Variants in MAP6D1 observed in about 807,000 individuals in gnomAD.
MAP6D1 encodes MAP6 domain-containing protein 1.
MAP6D1 carries 13 observed loss-of-function variants against 17.4 expected under a neutral mutation model. The ratio of observed to expected loss-of-function variants is 0.75; its 90% confidence interval spans 0.49 to 1.19. MAP6D1 has a LOEUF of 1.19. Ranked by LOEUF, MAP6D1 falls within the 50% of genes most tolerant of loss-of-function variation. The pLI is 0.00. For missense variants in MAP6D1, 313 were observed against 312.6 expected, an observed-to-expected ratio of 1.00 and a Z score of -0.01; for synonymous variants, 141 against 145.7, an observed-to-expected ratio of 0.97 and a Z score of 0.23.
rs967216544 is a variant in MAP6D1, at chr3:183,824,846, T to G, written c.401+301A>C. 7.2e-5 allele frequency among the ~76,000 whole-genome samples: 11 copies of G among 152,282 alleles called. 1 individual carries two copies. In the South Asian group the frequency reaches 2.3e-3, roughly 32 times the overall value. On this transcript the variant is annotated intron_variant, in intron 1 of 2. Coordinates refer to ENST00000318631, the MANE Select transcript of MAP6D1 (RefSeq NM_024871.4). ...GAGTTAAAGGGAGGCCGGTTCCAAC[T>G]CGGCTGAAGGCAGGCCATTCTGACG...
intron 1 of MAP6D1, among the ~76,000 whole-genome samples, chr3:183,819,915 A>G (rs915030434): frequency 4.6e-5 from 7 of 152,218 alleles, no homozygotes; most frequent in African/African-American, 1.7e-4. Flanking sequence ...CTAGGCAGGA[A>G]GGAGGGAAGC....
intron 1 of MAP6D1, 70 bp downstream of exon 1, chr3:183,825,076 CT>C: frequency 7.8e-7 from 1 of 1,288,934 alleles, no homozygotes; most frequent in Non-Finnish European, 9.9e-7. Context: ...CACCCCATCC[CT>C]CTGGCTCCGG....
At chr3:183,818,936 G>C (rs1400427976) in intron 1 of MAP6D1, among the ~76,000 whole-genome samples, 2 of 152,212 alleles carry the variant, frequency 1.3e-5, no homozygotes, top group East Asian at 3.9e-4. Context: ...TGAAAAGACA[G>C]TGCTTCCATT....
chr3:183,825,275 C>G lies in MAP6D1; in HGVS notation c.273G>C (p.Pro91=), dbSNP rs1727360473. The G allele has an allele frequency of 3.0e-6, 4 of 1,342,072 alleles. No individual in the cohort carries two copies. Among genetic ancestry groups the G allele is most frequent in the Non-Finnish European group, 3.8e-6 (4 of 1,048,904 alleles). The allele number at this position is 1,342,072 out of a possible 1,614,324, so 83.1% of individuals were successfully genotyped here. ...GPKDPPPGRG[P]GAGGRRGKSS... ...ATTTGCCCCTGCGGCCGCCCGCCCC[C>G]GGTCCGCGCCCCGGCGGCGGATCCT... Residue 91 remains proline, a synonymous_variant, in exon 1 of 3, where the codon CCG becomes CCC. Coordinates refer to ENST00000318631, the MANE Select transcript of MAP6D1 (RefSeq NM_024871.4).
At chr3:183,820,151 GC>G (rs955716845) in intron 1 of MAP6D1, 2 of 152,268 alleles carry the variant, frequency 1.3e-5, no homozygotes, top group Non-Finnish European at 1.5e-5. Flanking sequence ...AGAAGCTGAG[GC>G]CCGGGGATCC....
In MAP6D1 at chr3:183,825,556, C is replaced by T; in HGVS notation, c.-9G>A. On this transcript the variant is annotated 5_prime_UTR_variant, in exon 1 of 3. Transcript: ENST00000318631. ...ATACAGGGCCACGCCATGCCAGCCC[C>T]GGCGCCCGCCGCCCCGCTCCCGGCG... 8.3e-7 allele frequency: 1 copy of T among 1,207,132 alleles called. No homozygotes were observed. Among genetic ancestry groups the T allele is most frequent in the Non-Finnish European group, 1.0e-6 (1 of 973,870 alleles). 74.8% of individuals were successfully genotyped at this position (1,207,132 alleles called of 1,614,324 possible).
At chr3:183,820,971 T>G (rs1202173413) in intron 1 of MAP6D1, among the ~76,000 whole-genome samples, 1 of 151,144 alleles carries the variant, frequency 6.6e-6, no homozygotes, top group Non-Finnish European at 1.5e-5. Flanking sequence ...GGTGGGCGCC[T>G]GTAGTCCCAG....
chr3:183,825,268 C>T lies in MAP6D1; in HGVS notation c.280G>A (p.Gly94Ser), dbSNP rs1319001250. Residue 94 changes from glycine to serine, a missense_variant, in exon 1 of 3, where the codon GGC becomes AGC. Coordinates refer to ENST00000318631, the MANE Select transcript of MAP6D1 (RefSeq NM_024871.4). ...GCGGAGGATTTGCCCCTGCGGCCGC[C>T]CGCCCCCGGTCCGCGCCCCGGCGGC... ...DPPPGRGPGA[G>S]GRRGKSSAQS... 2 of 1,345,768 alleles carry T rather than the reference C, an allele frequency of 1.5e-6. No homozygotes were observed. The highest frequency in any genetic ancestry group is 2.1e-5 in the South Asian group (1 of 48,620). The allele number at this position is 1,345,768 out of a possible 1,614,324, so 83.4% of individuals were successfully genotyped here. A position where few individuals can be genotyped will look rare whatever the true frequency, so the allele number is the denominator to read the frequency against.
rs906523217 is a variant in MAP6D1, at chr3:183,825,559, C to G, written c.-12G>C. 12 of 1,202,264 alleles carry G rather than the reference C, an allele frequency of 1.0e-5. No homozygotes were observed. The highest frequency in any genetic ancestry group is 3.2e-5 in the African/African-American group (2 of 62,652). The allele number at this position is 1,202,264 out of a possible 1,614,324, so 74.5% of individuals were successfully genotyped here. ...CAGGGCCACGCCATGCCAGCCCCGG[C>G]GCCCGCCGCCCCGCTCCCGGCGCGC... On this transcript the variant is annotated 5_prime_UTR_variant, in exon 1 of 3. Transcript: ENST00000318631.
Position 183,816,890 on chromosome 3 carries a change from C to A in MAP6D1, c.*466G>T. 5.9e-6 allele frequency: 1 copy of A among 168,590 alleles called. No individual in the cohort carries two copies. The highest frequency in any genetic ancestry group is 5.7e-5 in the Admixed American group (1 of 17,600). 10.4% of individuals were successfully genotyped at this position (168,590 alleles called of 1,614,324 possible). On this transcript the variant is annotated 3_prime_UTR_variant, in exon 3 of 3. Coordinates refer to ENST00000318631, the MANE Select transcript of MAP6D1 (RefSeq NM_024871.4). ...CGGCCCAAGATTCCAACAGCTTCAA[C>A]TGCAGGGGCCATTTGTAGGAAGAGC...
rs1304389640 is a variant in MAP6D1 at position 183,817,349 on chromosome 3, C to T, written c.*7G>A. 1 of 1,562,258 alleles carries T rather than the reference C, an allele frequency of 6.4e-7. No individual in the cohort carries two copies. The highest frequency in any genetic ancestry group is 1.9e-5 in the Admixed American group (1 of 51,990). ...TGTCGGCAGCCATGGTGTCACGGTG[C>T]AGGCAGTCACACGTTGAGAATCCGG... is the stretch of plus-strand genomic sequence containing the variant. On this transcript the variant is annotated 3_prime_UTR_variant, in exon 3 of 3. Coordinates refer to ENST00000318631, the MANE Select transcript of MAP6D1 (RefSeq NM_024871.4).
Position 183,817,227 on chromosome 3 carries a change from A to C in MAP6D1, c.*129T>G. 1.1e-6 allele frequency: 1 copy of C among 909,302 alleles called. No homozygotes were observed. The highest frequency in any genetic ancestry group is 1.7e-6 in the Non-Finnish European group (1 of 582,856). The allele number at this position is 909,302 out of a possible 1,614,324, so 56.3% of individuals were successfully genotyped here. A position where few individuals can be genotyped will look rare whatever the true frequency, so the allele number is the denominator to read the frequency against. On this transcript the variant is annotated 3_prime_UTR_variant, in exon 3 of 3. Coordinates refer to ENST00000318631, the MANE Select transcript of MAP6D1 (RefSeq NM_024871.4). Reference sequence around the variant, plus strand: ...ACACCAGCACTTTGGCCCTGGTGACAGCTTTGAGAGGGGCTGTGCCCTCCC... The same window carrying C: ...ACACCAGCACTTTGGCCCTGGTGACCGCTTTGAGAGGGGCTGTGCCCTCCC...
rs955714264 is a variant in MAP6D1 at position 183,817,936 on chromosome 3, C to T, written c.519+58G>A. 4.5e-6 allele frequency: 6 copies of T among 1,347,432 alleles called. No individual in the cohort carries two copies. The African/African-American group carries it at 5.8e-5, about 13-fold the overall frequency. The allele number at this position is 1,347,432 out of a possible 1,614,324, so 83.5% of individuals were successfully genotyped here. On this transcript the variant is annotated intron_variant, in intron 2 of 2. Coordinates refer to ENST00000318631, the MANE Select transcript of MAP6D1 (RefSeq NM_024871.4). ...ACCATGAAAATCTGGCTCCTAATCC[C>T]TACCCGGGGAAAGAGGCCTCTATAC... is the stretch of plus-strand genomic sequence containing the variant.
chr3:183,825,311 G>A lies in MAP6D1; in HGVS notation c.237C>T (p.Pro79=), dbSNP rs376455325. The stretch of plus-strand genomic sequence containing the variant: ...CCGGCGGCGGATCCTTGGGCCCGGC[G>A]GGCGTGGTCCACAAGCCGAAGTCCC... ...YQRDFGLWTT[P]AGPKDPPPGR... Residue 79 remains proline (P), a synonymous_variant, in exon 1 of 3, where the codon CCC becomes CCT. Transcript: ENST00000318631. 502 of 1,347,664 alleles carry A rather than the reference G, an allele frequency of 3.7e-4. 3 individuals are homozygous for A. The African/African-American group carries it at 7.2e-3, about 19-fold the overall frequency. 83.5% of individuals were successfully genotyped at this position (1,347,664 alleles called of 1,614,324 possible).
chr3:183,819,296 C>T (rs1037223401), intron 1 of MAP6D1, among the ~76,000 whole-genome samples: 5 of 152,276 alleles, frequency 3.3e-5, no homozygotes, highest in Middle Eastern at 3.2e-3. Flanking sequence ...CTCCCGAAGC[C>T]GCGAGCTTCT....
intron 1 of MAP6D1, among the ~76,000 whole-genome samples, chr3:183,820,959 G>A (rs1207646402): frequency 6.6e-5 from 10 of 151,578 alleles, no homozygotes; most frequent in Non-Finnish European, 1.3e-4. Flanking sequence ...GCTGGGTGTG[G>A]TGGTGGGCGC....
At chr3:183,818,163 C>T in intron 1 of MAP6D1, 52 bp from the exon 2 acceptor site, 1 of 1,482,952 alleles carries the variant, frequency 6.7e-7, no homozygotes, top group Non-Finnish European at 9.4e-7. Flanking sequence ...CACCCCTTTA[C>T]CGACTCCCCA....
Position 183,816,176 on chromosome 3 carries a change from T to C in MAP6D1, c.*1180A>G, listed in dbSNP as rs8391. The C allele has an allele frequency of 0.47, 71,549 of 152,090 alleles. 17,157 individuals are homozygous for C. The highest frequency in any genetic ancestry group is 0.65 in the East Asian group (3,356 of 5,158). The allele number at this position is 152,090 out of a possible 1,614,324, so 9.4% of individuals were successfully genotyped here. A position where few individuals can be genotyped will look rare whatever the true frequency, so the allele number is the denominator to read the frequency against. ...ACCTGGGAGGGACGCTGACAGGCAG[T>C]CGGAGCTGGAACCACTGTCCCACCT... is the stretch of plus-strand genomic sequence containing the variant. On this transcript the variant is annotated 3_prime_UTR_variant, in exon 3 of 3. Transcript: ENST00000318631.
intron 1 of MAP6D1, among the ~76,000 whole-genome samples, chr3:183,821,108 GAAA>G (rs1453496367): frequency 2.1e-5 from 3 of 142,898 alleles, no homozygotes; most frequent in Non-Finnish European, 4.5e-5. Flanking sequence ...AAAAAAAAAA[GAAA>G]AAAAGAGAGG....
Sources: gnomAD v4.1 joint callset for allele counts (sites outside exome capture counted in the v4.1 genomes callset) on GRCh38, gnomAD v4.1.1 for gene constraint, MANE v1.5 for transcripts, NCBI Gene and HGNC (gene_info 2026-07-23, HGNC 2026-07-21) for gene names.